MFSD12: variants seen among roughly 807,000 people sequenced by gnomAD.
MFSD12 encodes major facilitator superfamily domain containing 12, also known as major facilitator superfamily domain-containing protein 12.
A neutral mutation model predicts 51.2 loss-of-function variants in MFSD12; 67 were observed. That is an observed-to-expected ratio of 1.31 (90% CI 1.08 to 1.60). The LOEUF (loss-of-function observed/expected upper bound fraction) is 1.60, where lower values mean the gene tolerates loss of function less well. Ranked by LOEUF, MFSD12 falls within the 40% of genes most tolerant of loss-of-function variation. The pLI is 0.00. For synonymous variants in MFSD12, 441 were observed against 316.7 expected (o/e 1.39, Z -4.17); for missense variants, 921 against 673.0 (o/e 1.37, Z -4.08).
downstream of MFSD12, chr19:3,542,767 G>A (rs1423205856): frequency 7.4e-7 from 1 of 1,360,426 alleles, no homozygotes; most frequent in Admixed American, 2.0e-5. Context: ...ACAAGCGTGA[G>A]CCACACACCT....
chr19:3,544,110 G>A, downstream of MFSD12: 4 of 1,420,604 alleles, frequency 2.8e-6, no homozygotes, highest in Non-Finnish European at 2.8e-6. Context: ...GCAGACACTG[G>A]GCTCGCTGGC....
intron 8 of MFSD12, among the ~76,000 whole-genome samples, 164 bp from the exon 9 acceptor site, chr19:3,545,103 G>T (rs930907641): frequency 2.0e-5 from 3 of 152,066 alleles, no homozygotes; most frequent in Admixed American, 2.0e-4. Context: ...CCAACAGCTC[G>T]GCCAGTCCTG....
chr19:3,543,928 A>G (rs753455220), downstream of MFSD12: 10 of 1,551,084 alleles, frequency 6.4e-6, no homozygotes, highest in South Asian at 1.2e-4. Context: ...ACCACCCAGA[A>G]CTACCGGGAG....
Position 3,548,268 on chromosome 19 carries a change from CT to C in MFSD12, c.510-2del. On this transcript the variant is annotated splice_acceptor_variant, in intron 2 of 9. Transcript: ENST00000355415. LOFTEE classifies it high-confidence loss of function. ...GTTGGCCACCACGGTGAACGCATAC[CT>C]GGCGGGCAGGCGGGCAGGGACTCAA... is the stretch of plus-strand genomic sequence containing the variant. 1.3e-6 allele frequency: 2 copies of C among 1,548,214 alleles called. No individual in the cohort carries two copies. Among genetic ancestry groups the C allele is most frequent in the Non-Finnish European group, 1.7e-6 (2 of 1,147,336 alleles).
At position 3,546,309 on chromosome 19, in the gene MFSD12, G is replaced by A. The variant is rs925232746; in HGVS notation, c.1140C>T (p.Ala380=). The change falls in exon 7 of 10, where the codon GCC becomes GCT. Residue 380 remains alanine, a synonymous_variant. Transcript: ENST00000355415. The stretch of plus-strand genomic sequence containing the variant: ...TGGCCAGCGAGGTGACGAGGATGGT[G>A]GCACAGCCAGCACCCAGCAGCACAG... ...AAAVLLGAGC[A]TILVTSLAMT... is the part of the protein sequence containing the mutation. The A allele has an allele frequency of 6.2e-7, 1 of 1,609,732 alleles. No individual in the cohort carries two copies. Among genetic ancestry groups the A allele is most frequent in the Non-Finnish European group, 8.5e-7 (1 of 1,178,900 alleles).
chr19:3,557,281 G>A lies in MFSD12; in HGVS notation c.123C>T (p.Thr41=), dbSNP rs567568191. Residue 41 remains threonine (T), a synonymous_variant, in exon 1 of 10, where the codon ACC becomes ACT. Coordinates refer to ENST00000355415, the MANE Select transcript of MFSD12 (RefSeq NM_174983.5). The stretch of plus-strand genomic sequence containing the variant: ...CCGAGTGCAGGTAGAGCAGCAGGTA[G>A]GTGAACCACATGGACGCGCACAGGT... The part of the protein sequence containing the change: ...LNDLCASMWF[T]YLLLYLHSVR... 2.9e-5 allele frequency: 46 copies of A among 1,598,020 alleles called. 1 individual carries two copies. The South Asian group carries it at 4.7e-4, about 16-fold the overall frequency.
chr19:3,553,612 CA>C (rs965639036), intron 1 of MFSD12, among the ~76,000 whole-genome samples: 2 of 146,136 alleles, frequency 1.4e-5, no homozygotes, highest in African/African-American at 2.5e-5. Context: ...ACTAAAAATG[CA>C]AAAAAAATTA....
chr19:3,551,217 T>C lies in MFSD12; in HGVS notation c.299-23A>G. 6.4e-7 allele frequency: 1 copy of C among 1,561,164 alleles called. No homozygotes were observed. Among genetic ancestry groups the C allele is most frequent in the Non-Finnish European group, 8.7e-7 (1 of 1,151,688 alleles). The stretch of plus-strand genomic sequence containing the variant: ...TGCCTGTGGAAGGCAGAGTGGTCAG[T>C]CGCGGGGCTGTCCCGCACCAGCCAG... On this transcript the variant is annotated intron_variant, in intron 1 of 9. Transcript: ENST00000355415. This position sits in a 1 kb window ranked among gnomAD's most constrained non-coding sequence, Gnocchi z 4.6.
At chr19:3,549,781 T>C (rs2031366722) in intron 2 of MFSD12, among the ~76,000 whole-genome samples, 1 of 149,668 alleles carries the variant, frequency 6.7e-6, no homozygotes, top group Non-Finnish European at 1.5e-5. Flanking sequence ...CCCAGCACTT[T>C]GGGAGGCCAA....
downstream of MFSD12, chr19:3,543,948 G>T: frequency 6.4e-7 from 1 of 1,551,052 alleles, no homozygotes; most frequent in Non-Finnish European, 8.7e-7. Flanking sequence ...GTGGGTCCTG[G>T]AACCATACTG....
intron 1 of MFSD12, among the ~76,000 whole-genome samples, chr19:3,554,688 A>C (rs1361816323): frequency 6.6e-6 from 1 of 152,046 alleles, no homozygotes; most frequent in Non-Finnish European, 1.5e-5. Context: ...TCTGAAGCCC[A>C]TTTGTGCCAT....
At chr19:3,543,009 G>A, downstream of MFSD12, 1 of 1,601,672 alleles carries the variant, frequency 6.2e-7, no homozygotes, top group Non-Finnish European at 8.5e-7. Flanking sequence ...GCTGACTTGG[G>A]TGCTTGGGGT....
downstream of MFSD12, chr19:3,543,719 G>A: frequency 4.7e-6 from 7 of 1,499,484 alleles, no homozygotes; most frequent in Non-Finnish European, 6.3e-6. Flanking sequence ...GGAGGCCAGG[G>A]GGACAAGGCC....
chr19:3,545,549 ACCT>A (rs2030935973), intron 8 of MFSD12, among the ~76,000 whole-genome samples: 1 of 151,748 alleles, frequency 6.6e-6, no homozygotes, highest in Admixed American at 6.6e-5. Flanking sequence ...GGGCCACGTC[ACCT>A]CCTCCAAGAA....
chr19:3,539,096 T>A (rs1351951247), intron 4 of MFSD12: 2 of 891,502 alleles, frequency 2.2e-6, no homozygotes, highest in Admixed American at 2.1e-5. Context: ...TCAGCGTGGT[T>A]GCCGAGACAC....
intron 4 of MFSD12, 109 bp downstream of exon 4, chr19:3,547,739 G>C (rs1249306298): frequency 7.5e-7 from 1 of 1,335,290 alleles, no homozygotes; most frequent in African/African-American, 1.5e-5. Context: ...GGTGTGGGCT[G>C]CACCAGGGGC....
chr19:3,541,382 G>A (rs1374387731), downstream of MFSD12, among the ~76,000 whole-genome samples: 2 of 149,392 alleles, frequency 1.3e-5, no homozygotes, highest in Non-Finnish European at 3.0e-5. Flanking sequence ...GAGTGCAGTG[G>A]AATGATCTCA....
intron 1 of MFSD12, among the ~76,000 whole-genome samples, chr19:3,555,077 G>A (rs185177957): frequency 2.6e-5 from 4 of 152,284 alleles, no homozygotes; most frequent in Middle Eastern, 3.4e-3. Flanking sequence ...TAAAGCCTTC[G>A]GTTGCTGTTT....
chr19:3,542,128 TTG>T (rs1041068076), downstream of MFSD12: 60 of 985,354 alleles, frequency 6.1e-5, no homozygotes, highest in African/African-American at 1.0e-3. Flanking sequence ...GCTGTTTTAA[TTG>T]TGTTTTAAAA....
Sources: gnomAD v4.1 joint callset for allele counts (sites outside exome capture counted in the v4.1 genomes callset) on GRCh38, gnomAD v4.1.1 for gene constraint, Gnocchi (gnomAD v3.1) non-coding constraint, MANE v1.5 for transcripts, NCBI Gene and HGNC (gene_info 2026-07-23, HGNC 2026-07-21) for gene names.